The following SKAP1 variants were observed in gnomAD, a reference collection of about 807,000 sequenced individuals.
SKAP1 encodes the protein src kinase-associated phosphoprotein 1.
Under a neutral mutation model 58.5 loss-of-function variants are expected in SKAP1, and 44 were observed. The ratio of observed to expected loss-of-function variants is 0.75; its 90% CI spans 0.59 to 0.97. The LOEUF is 0.97. Ranked by LOEUF, SKAP1 falls within the 50% of genes least tolerant of loss-of-function variation. SKAP1 has a pLI of 0.00. For synonymous variants in SKAP1, 127 were observed against 149.7 expected (o/e 0.85, Z 1.11); for missense variants, 390 against 435.2 (o/e 0.90, Z 0.92).
chr17:48,443,794 T>C, the SKAP1 span, among the ~76,000 whole-genome samples: 1 of 152,156 alleles, frequency 6.6e-6, no homozygotes, highest in Admixed American at 6.5e-5. Context: ...TTTTTAAAAA[T>C]AATTTTATTT....
At chr17:48,215,154 C>T (rs537098951) in intron 4 of SKAP1, among the ~76,000 whole-genome samples, 24 of 152,002 alleles carry the variant, frequency 1.6e-4, no homozygotes, top group African/African-American at 5.3e-4. Flanking sequence ...TCCTACAGTA[C>T]TGTTTTTATA....
chr17:48,352,732 C>A (rs1400780982), intron 3 of SKAP1, among the ~76,000 whole-genome samples: 1 of 152,026 alleles, frequency 6.6e-6, no homozygotes, highest in Non-Finnish European at 1.5e-5. Context: ...GTATTATTAT[C>A]CCAAAGATGA....
In SKAP1 at chr17:48,180,156, T is replaced by C. The variant is rs35288886; in HGVS notation, c.724A>G (p.Ser242Gly). The C allele has an allele frequency of 2.4e-3, 3,934 of 1,613,872 alleles. 80 individuals carry two copies. In the African/African-American group the frequency reaches 0.045, roughly 19 times the overall value. Reference protein sequence around the residue: ...YDDIDGFDSPSCGSQCRPTIL... With the variant: ...YDDIDGFDSPGCGSQCRPTIL... ...GTGGGTCTGCACTGGGAACCACAAC[T>C]TGGGGAGTCAAAACCATCAATATCA... The change falls in exon 9 of 13, where the codon AGT (serine) becomes GGT (glycine). Residue 242 changes from serine (S) to glycine (G), a missense_variant. Ser to Gly is a moderately conservative substitution (Grantham distance 56). Coordinates refer to ENST00000336915, the MANE Select transcript of SKAP1 (RefSeq NM_003726.4).
intron 4 of SKAP1, among the ~76,000 whole-genome samples, chr17:48,312,854 A>G (rs1366581766): frequency 2.6e-5 from 4 of 152,194 alleles, no homozygotes; most frequent in East Asian, 3.8e-4. Flanking sequence ...ACACTTGGCC[A>G]TATGATATCT....
At chr17:48,286,235 G>A (rs552180046) in intron 4 of SKAP1, among the ~76,000 whole-genome samples, 22 of 152,298 alleles carry the variant, frequency 1.4e-4, no homozygotes, top group African/African-American at 5.3e-4. Context: ...TCTGAATGTG[G>A]GATTATTGTT....
chr17:48,217,740 T>A (rs1342290156), intron 4 of SKAP1, among the ~76,000 whole-genome samples: 1 of 152,076 alleles, frequency 6.6e-6, no homozygotes, highest in Non-Finnish European at 1.5e-5. Context: ...TAAAAAAAAA[T>A]TTTAACAGCT....
chr17:48,418,331 C>A (rs925108972), intron 1 of SKAP1, among the ~76,000 whole-genome samples: 3 of 152,078 alleles, frequency 2.0e-5, no homozygotes, highest in Non-Finnish European at 2.9e-5. Context: ...ACCAAATATT[C>A]TATATACTTC....
chr17:48,230,282 A>G (rs765271827), intron 4 of SKAP1, among the ~76,000 whole-genome samples: 1 of 152,210 alleles, frequency 6.6e-6, no homozygotes, highest in Non-Finnish European at 1.5e-5. Context: ...TCCACATGAC[A>G]GCCTTCCAGG....
chr17:48,149,948 CCCT>C (rs1256183933), intron 11 of SKAP1, among the ~76,000 whole-genome samples: 1 of 152,180 alleles, frequency 6.6e-6, no homozygotes, highest in East Asian at 1.9e-4. Flanking sequence ...ACTACTTTCA[CCCT>C]CCTCCTTACC....
intron 4 of SKAP1, among the ~76,000 whole-genome samples, chr17:48,253,807 A>G (rs913310108): frequency 1.3e-5 from 2 of 152,168 alleles, no homozygotes; most frequent in Non-Finnish European, 1.5e-5. Context: ...CTTTTGATAA[A>G]GTGCCATAGC....
At chr17:48,407,181 T>C (rs1448098876) in intron 1 of SKAP1, among the ~76,000 whole-genome samples, 1 of 152,216 alleles carries the variant, frequency 6.6e-6, no homozygotes, top group Non-Finnish European at 1.5e-5. Context: ...TGTTACAAGA[T>C]ATGACCAGCA....
chr17:48,238,545 G>A (rs551451726), intron 4 of SKAP1, among the ~76,000 whole-genome samples: 91 of 151,982 alleles, frequency 6.0e-4, no homozygotes, highest in African/African-American at 2.1e-3. Context: ...GACCACAGGC[G>A]TGTGCCACCA....
rs921573207 is a variant in SKAP1, at chr17:48,166,619, T to C, written c.877+3990A>G. 2.0e-5 allele frequency among the ~76,000 whole-genome samples: 3 copies of C among 152,312 alleles called. No individual in the cohort carries two copies. In the East Asian group the frequency reaches 5.8e-4, roughly 29 times the overall value. On this transcript the variant is annotated intron_variant, in intron 10 of 12. Coordinates refer to ENST00000336915, the MANE Select transcript of SKAP1 (RefSeq NM_003726.4). ...GCTAAAGGCAGGCCAGCATGTTATT[T>C]ACATTTTCTTGATTACTAAAATGAT...
intron 4 of SKAP1, among the ~76,000 whole-genome samples, chr17:48,222,251 G>A (rs921397724): frequency 3.9e-5 from 6 of 152,100 alleles, no homozygotes; most frequent in South Asian, 2.1e-4. Flanking sequence ...GGTTCCTCAC[G>A]CTAATACAAA....
At chr17:48,421,158 C>T (rs953519733) in intron 1 of SKAP1, among the ~76,000 whole-genome samples, 14 of 152,134 alleles carry the variant, frequency 9.2e-5, no homozygotes, top group East Asian at 3.9e-4. Flanking sequence ...TAACACTAGA[C>T]GATAATCAGA....
intron 1 of SKAP1, among the ~76,000 whole-genome samples, chr17:48,398,344 C>T (rs757495560): frequency 6.6e-6 from 1 of 151,692 alleles, no homozygotes; most frequent in Non-Finnish European, 1.5e-5. Flanking sequence ...TAATGCCTGA[C>T]GATCTGTCAC....
chr17:48,355,114 A>C (rs2066858243), intron 3 of SKAP1, among the ~76,000 whole-genome samples: 1 of 152,230 alleles, frequency 6.6e-6, no homozygotes, highest in Non-Finnish European at 1.5e-5. Context: ...AACAAACTTA[A>C]AGCAGTCATT....
intron 2 of SKAP1, chr17:48,380,193 T>C (rs946932341): frequency 3.9e-5 from 6 of 152,322 alleles, no homozygotes; most frequent in African/African-American, 1.4e-4. Flanking sequence ...CTGGCTCATC[T>C]TGGGACCAGG....
In SKAP1 at chr17:48,184,737, T is replaced by C; in HGVS notation, c.553A>G (p.Arg185Gly). 1 of 1,614,044 alleles carries C rather than the reference T, an allele frequency of 6.2e-7. No individual in the cohort carries two copies. Among genetic ancestry groups the C allele is most frequent in the Non-Finnish European group, 8.5e-7 (1 of 1,179,940 alleles). Reference protein sequence around the residue: ...ESCFELTSQDRRSYEFTATSP... With the variant: ...ESCFELTSQDGRSYEFTATSP... The stretch of plus-strand genomic sequence containing the variant: ...ATGCGTCCTACCTCATAGCTGCGCC[T>C]ATCCTGGGAGGTCAGTTCAAAGCAG... Residue 185 changes from arginine (R) to glycine (G), a missense_variant, in exon 7 of 13, where the codon AGG (arginine) becomes GGG (glycine). Coordinates refer to ENST00000336915, the MANE Select transcript of SKAP1 (RefSeq NM_003726.4).
Sources: allele counts gnomAD v4.1 joint callset (sites outside exome capture counted in the v4.1 genomes callset), GRCh38; gene constraint gnomAD v4.1.1; transcripts MANE v1.5; gene names NCBI Gene and HGNC (gene_info 2026-07-23, HGNC 2026-07-21).